NIBAN1: variants seen among roughly 807,000 people sequenced by gnomAD.
The protein encoded by NIBAN1 is protein Niban 1.
A neutral mutation model predicts 75.1 loss-of-function variants in NIBAN1; 81 were observed. The observed-to-expected ratio is 1.08, with a 90% CI of 0.90 to 1.30. The LOEUF (loss-of-function observed/expected upper bound fraction) is 1.30, where lower values mean the gene tolerates loss of function less well. NIBAN1 is among the 50% of genes most tolerant of loss of function. NIBAN1 has a pLI of 0.00. For missense variants in NIBAN1, 1,133 were observed against 1,128.1 expected, an observed-to-expected ratio of 1.00 and a Z score of -0.06; for synonymous variants, 436 against 424.8, an observed-to-expected ratio of 1.03 and a Z score of -0.32.
chr1:184,892,729 A>G (rs1313354653), intron 3 of NIBAN1, among the ~76,000 whole-genome samples: 4 of 152,150 alleles, frequency 2.6e-5, no homozygotes, highest in Non-Finnish European at 4.4e-5. Context: ...TCCTAGCATC[A>G]GGTGTAGTCC....
At position 184,794,778 on chromosome 1, in the gene NIBAN1, A is replaced by G. The variant is rs749256787; in HGVS notation, c.*199T>C. The G allele has an allele frequency of 1.1e-4, 73 of 688,828 alleles. No individual in the cohort carries two copies. Among genetic ancestry groups the G allele is most frequent in the Non-Finnish European group, 1.6e-4 (67 of 409,212 alleles). The allele number at this position is 688,828 out of a possible 1,614,324, so 42.7% of individuals were successfully genotyped here. A position where few individuals can be genotyped will look rare whatever the true frequency, so the allele number is the denominator to read the frequency against. ...TAATTCTTATTAAAATACTAAAGCA[A>G]AAATTCATCGTAGAACAATTCATGT... On this transcript the variant is annotated 3_prime_UTR_variant, in exon 14 of 14. Coordinates refer to ENST00000367511, the MANE Select transcript of NIBAN1 (RefSeq NM_052966.4).
chr1:184,794,565 T>G lies in NIBAN1; in HGVS notation c.*412A>C, dbSNP rs1653784517. On this transcript the variant is annotated 3_prime_UTR_variant, in exon 14 of 14. Transcript: ENST00000367511. ...GGCATAGTAGATAGTAAAGGTAGAC[T>G]TACAGTATACATTTGCATTCTCAAA... The G allele has an allele frequency of 4.9e-5, 15 of 308,208 alleles. 1 individual carries two copies. The highest frequency in any genetic ancestry group is 4.3e-4 in the South Asian group (15 of 34,850). The allele number at this position is 308,208 out of a possible 1,614,324, so 19.1% of individuals were successfully genotyped here.
intron 2 of NIBAN1, among the ~76,000 whole-genome samples, chr1:184,895,356 C>T (rs1057326601): frequency 3.9e-5 from 6 of 152,080 alleles, no homozygotes; most frequent in African/African-American, 4.8e-5. Context: ...TGGGGCCTCA[C>T]GATAGACTTA....
At chr1:184,940,847 G>A (rs1315235123) in intron 1 of NIBAN1, among the ~76,000 whole-genome samples, 52 of 152,172 alleles carry the variant, frequency 3.4e-4, no homozygotes, top group Non-Finnish European at 7.3e-5. Flanking sequence ...TAGTGGAAAA[G>A]GTATGGTGAA....
rs1243159062 is a variant in NIBAN1 at position 184,812,186 on chromosome 1, G to A, written c.1174-3951C>T. On this transcript the variant is annotated intron_variant, in intron 9 of 13. Transcript: ENST00000367511. The stretch of plus-strand genomic sequence containing the variant: ...TTTCCTATCTTTTCTGTTACTCAGG[G>A]CAACCATCTTGCCCAGAGACCACAA... 3.3e-5 allele frequency among the ~76,000 whole-genome samples: 5 copies of A among 151,990 alleles called. No homozygotes were observed. In the South Asian group the frequency reaches 8.3e-4, roughly 25 times the overall value.
rs1654606514 is a variant in NIBAN1 at position 184,818,711 on chromosome 1, A to G, written c.1100T>C (p.Val367Ala). The stretch of plus-strand genomic sequence containing the variant: ...TTCATTCACCTCTTTCTCAAAGAGT[A>G]CACGTACTTCACTGAATCCCGAGCT... ...PVSSGFSEVR[V>A]LFEKEVNEVS... Residue 367 changes from valine (V) to alanine (A), a missense_variant, in exon 9 of 14, where the codon GTA (valine) becomes GCA (alanine). Val to Ala is a moderately conservative substitution (Grantham distance 64). Transcript: ENST00000367511. 3 of 1,613,722 alleles carry G rather than the reference A, an allele frequency of 1.9e-6. No homozygotes were observed. Among genetic ancestry groups the G allele is most frequent in the Non-Finnish European group, 2.5e-6 (3 of 1,179,646 alleles).
At chr1:184,947,397 A>G (rs1337293982) in intron 1 of NIBAN1, among the ~76,000 whole-genome samples, 1 of 152,186 alleles carries the variant, frequency 6.6e-6, no homozygotes. Flanking sequence ...AGGAGAAGGA[A>G]TGGGGAGTTA....
intron 6 of NIBAN1, among the ~76,000 whole-genome samples, chr1:184,824,505 G>A (rs78497257): frequency 0.011 from 1,699 of 152,214 alleles, 20 homozygotes; most frequent in East Asian, 0.032. Flanking sequence ...TGCTAAGAAG[G>A]AAGAGAAGGT....
At chr1:184,855,323 C>CTT (rs1655647804) in intron 5 of NIBAN1, among the ~76,000 whole-genome samples, 2 of 151,912 alleles carry the variant, frequency 1.3e-5, no homozygotes, top group African/African-American at 2.4e-5. Context: ...GCATCCTTAG[C>CTT]AGCTGGGCAT....
chr1:184,859,585 T>A (rs1655763743), intron 5 of NIBAN1, among the ~76,000 whole-genome samples: 1 of 152,142 alleles, frequency 6.6e-6, no homozygotes. Context: ...CCAAAAAGGA[T>A]CTGAAAGCAG....
At chr1:184,894,905 G>A (rs1656760798) in intron 2 of NIBAN1, among the ~76,000 whole-genome samples, 1 of 152,094 alleles carries the variant, frequency 6.6e-6, no homozygotes, top group Non-Finnish European at 1.5e-5. Context: ...GATTAACTGT[G>A]TAAGGATAAT....
intron 5 of NIBAN1, among the ~76,000 whole-genome samples, chr1:184,881,723 A>G (rs535932503): frequency 6.6e-6 from 1 of 152,246 alleles, no homozygotes; most frequent in African/African-American, 2.4e-5. Flanking sequence ...TTTTTAGACC[A>G]TGTAGGGTAA....
Position 184,795,394 on chromosome 1 carries a change from C to A in NIBAN1, c.2370G>T (p.Glu790Asp), listed in dbSNP as rs1347323485. ...CTGGCGGAGAGGCTGGGCTGCCTAC[C>A]TCTGGAAATCCCCCCAACTCCTCCC... Reference protein sequence around the residue: ...AHGEELGGFPEVGSPASPPAS... With the variant: ...AHGEELGGFPDVGSPASPPAS... Residue 790 changes from glutamate (E) to aspartate (D), a missense_variant, in exon 14 of 14, where the codon GAG (glutamate) becomes GAT (aspartate). Coordinates refer to ENST00000367511, the MANE Select transcript of NIBAN1 (RefSeq NM_052966.4). The A allele has an allele frequency of 6.2e-7, 1 of 1,606,000 alleles. No homozygotes were observed. The highest frequency in any genetic ancestry group is 1.7e-5 in the Admixed American group (1 of 59,364).
At chr1:184,954,554 C>T (rs571445277) in intron 1 of NIBAN1, among the ~76,000 whole-genome samples, 2 of 152,292 alleles carry the variant, frequency 1.3e-5, no homozygotes, top group South Asian at 2.1e-4. Context: ...TGGCTGGCTG[C>T]TTGTGCCTGC....
chr1:184,811,638 C>A (rs1239627679), intron 9 of NIBAN1, among the ~76,000 whole-genome samples: 1 of 151,014 alleles, frequency 6.6e-6, no homozygotes, highest in Non-Finnish European at 1.5e-5. Flanking sequence ...ACTACAGGCA[C>A]CCCGCCACCA....
At chr1:184,923,927 A>G (rs376093830) in intron 1 of NIBAN1, among the ~76,000 whole-genome samples, 17 of 150,572 alleles carry the variant, frequency 1.1e-4, no homozygotes, top group African/African-American at 3.4e-4. Context: ...GTATCCTGCA[A>G]CTTTACTGAA....
intron 12 of NIBAN1, among the ~76,000 whole-genome samples, chr1:184,800,136 T>A (rs1426430925): frequency 6.6e-6 from 1 of 150,424 alleles, no homozygotes; most frequent in African/African-American, 2.5e-5. Context: ...CATTTTTTCA[T>A]GTGTTTTTTG....
chr1:184,831,088 G>A (rs775131468), intron 6 of NIBAN1, among the ~76,000 whole-genome samples: 1 of 151,982 alleles, frequency 6.6e-6, no homozygotes, highest in Non-Finnish European at 1.5e-5. Flanking sequence ...AAGCAGCCAT[G>A]TGACTGGTGT....
intron 5 of NIBAN1, among the ~76,000 whole-genome samples, chr1:184,844,549 G>A (rs769465450): frequency 5.3e-5 from 8 of 152,098 alleles, no homozygotes; most frequent in Non-Finnish European, 1.0e-4. Context: ...AACTGAAATC[G>A]AAGAAGTTTA....
Sources: allele counts gnomAD v4.1 joint callset (sites outside exome capture counted in the v4.1 genomes callset), GRCh38; gene constraint gnomAD v4.1.1; transcripts MANE v1.5; gene names NCBI Gene and HGNC (gene_info 2026-07-23, HGNC 2026-07-21).